The following RUVBL2 variants were observed in gnomAD, a reference collection of about 807,000 sequenced individuals.
The protein encoded by RUVBL2 is ruvB-like 2.
Under a neutral mutation model 57.9 loss-of-function variants are expected in RUVBL2, and 9 were observed. The ratio of observed to expected loss-of-function variants is 0.16; its 90% CI spans 0.09 to 0.27. The LOEUF is 0.27. RUVBL2 is among the 10% of genes least tolerant of loss of function. RUVBL2 has a pLI of 1.00. For synonymous variants in RUVBL2, 278 were observed against 264.6 expected (o/e 1.05, Z -0.49); for missense variants, 456 against 669.6 (o/e 0.68, Z 3.52).
intron 2 of RUVBL2, 28 bp from the exon 3 acceptor site, chr19:49,003,251 T>G: frequency 2.7e-6 from 4 of 1,460,630 alleles, no homozygotes; most frequent in Non-Finnish European, 3.7e-6. Flanking sequence ...GGCTAGTAAC[T>G]GAGTCTTTGT....
intron 2 of RUVBL2, among the ~76,000 whole-genome samples, chr19:49,002,542 C>T (rs1003626096): frequency 3.9e-5 from 6 of 152,146 alleles, no homozygotes; most frequent in Admixed American, 3.9e-4. Flanking sequence ...CATTTTGATA[C>T]TCAGAAGTGC....
intron 2 of RUVBL2, chr19:49,001,520 G>A (rs2039182167): frequency 6.7e-6 from 1 of 150,258 alleles, no homozygotes; most frequent in Admixed American, 6.7e-5. Flanking sequence ...CACCGCTTGT[G>A]AGCTGAGGAC....
chr19:49,012,883 A>ACACACACC (rs1421444990), intron 11 of RUVBL2, among the ~76,000 whole-genome samples: 4 of 147,270 alleles, frequency 2.7e-5, no homozygotes, highest in African/African-American at 5.2e-5. Flanking sequence ...ACACACACAC[A>ACACACACC]CCACCCCTGG....
At position 49,011,458 on chromosome 19, in the gene RUVBL2, G is replaced by A. The variant is rs1342953640; in HGVS notation, c.1001+148G>A. 4.6e-6 allele frequency: 3 copies of A among 649,728 alleles called. No homozygotes were observed. Among genetic ancestry groups the A allele is most frequent in the Non-Finnish European group, 5.4e-6 (2 of 372,142 alleles). The allele number at this position is 649,728 out of a possible 1,614,324, so 40.2% of individuals were successfully genotyped here. On this transcript the variant is annotated intron_variant, in intron 11 of 14. Coordinates refer to ENST00000595090, the MANE Select transcript of RUVBL2 (RefSeq NM_006666.3). This position sits in a 1 kb window ranked among gnomAD's most constrained non-coding sequence, Gnocchi z 4.4. ...CTCTTTGCTTACAAAAGGCGGGTGG[G>A]AGGCAGCTCTGCTTCCCGAGGAAGC...
chr19:49,004,988 G>A (rs2039255686), intron 4 of RUVBL2, among the ~76,000 whole-genome samples: 1 of 151,538 alleles, frequency 6.6e-6, no homozygotes, highest in Admixed American at 6.6e-5. Context: ...AAAAAAAACA[G>A]GAAAGAAAAT....
chr19:49,013,279 T>C (rs915394709), intron 11 of RUVBL2, among the ~76,000 whole-genome samples: 4 of 151,720 alleles, frequency 2.6e-5, no homozygotes, highest in Non-Finnish European at 4.4e-5. Context: ...TTTTTTTTTT[T>C]TGTAGAGATG....
intron 4 of RUVBL2, 136 bp from the exon 5 acceptor site, chr19:49,006,882 C>A: frequency 8.6e-7 from 1 of 1,169,036 alleles, no homozygotes; most frequent in Non-Finnish European, 1.2e-6. Context: ...CTGCTCAGCT[C>A]GGAGCCAAGT....
upstream of RUVBL2, chr19:48,993,453 C>T (rs2038982910): frequency 2.3e-6 from 1 of 429,622 alleles, no homozygotes; most frequent in Non-Finnish European, 4.4e-6. Flanking sequence ...TCGCTGTGTC[C>T]CGGCCCCGCC....
In RUVBL2 at chr19:49,015,103, G is replaced by A. The variant is rs1441086881; in HGVS notation, c.1204G>A (p.Ala402Thr). The change falls in exon 13 of 15, where the codon GCC (alanine) becomes ACC (threonine). Residue 402 changes from alanine to threonine, a missense_variant. Physicochemically the swap from Ala to Thr is moderately conservative, Grantham distance 58. Coordinates refer to ENST00000595090, the MANE Select transcript of RUVBL2 (RefSeq NM_006666.3). ...RIGLETSLRY[A>T]IQLITAASLV... ...CGGGCTGGAGACGTCACTGCGCTAC[G>A]CCATCCAGCTCATCACAGCTGCCAG... 2.5e-6 allele frequency: 4 copies of A among 1,609,666 alleles called. No homozygotes were observed. Among genetic ancestry groups the A allele is most frequent in the South Asian group, 1.1e-5 (1 of 90,404 alleles).
At chr19:49,007,426 G>C in intron 6 of RUVBL2, 58 bp downstream of exon 6, 1 of 1,506,382 alleles carries the variant, frequency 6.6e-7, no homozygotes, top group Non-Finnish European at 9.2e-7. Context: ...GGGTTGGAGA[G>C]AGTAGATATC....
Position 49,014,501 on chromosome 19 carries a change from A to G in RUVBL2, c.1019A>G (p.Tyr340Cys). The stretch of plus-strand genomic sequence containing the variant: ...TTCCTCAGAATCCGGGGCACCAGCT[A>G]CCAGAGCCCTCACGGCATCCCCATA... The part of the protein sequence containing the change: ...RGITRIRGTS[Y>C]QSPHGIPIDL... Residue 340 changes from tyrosine (Y) to cysteine (C), a missense_variant, in exon 12 of 15, where the codon TAC becomes TGC. Tyr to Cys is a radical substitution (Grantham distance 194, BLOSUM62 -2). Transcript: ENST00000595090. The G allele has an allele frequency of 6.2e-7, 1 of 1,613,930 alleles. No individual in the cohort carries two copies. The highest frequency in any genetic ancestry group is 8.5e-7 in the Non-Finnish European group (1 of 1,179,926).
Position 49,012,052 on chromosome 19 carries a change from A to G in RUVBL2, c.1001+742A>G, listed in dbSNP as rs549115434. 8.3e-4 allele frequency among the ~76,000 whole-genome samples: 127 copies of G among 152,202 alleles called. 1 individual carries two copies. The South Asian group carries it at 0.025, about 31-fold the overall frequency. ...GGGATGTGGAGGGCAGGCAGCCCCC[A>G]TAGGCTGTGATCCACAGGCTGCACC... On this transcript the variant is annotated intron_variant, in intron 11 of 14. Transcript: ENST00000595090.
intron 13 of RUVBL2, 26 bp from the exon 14 acceptor site, chr19:49,015,546 A>C (rs2039529855): frequency 6.4e-7 from 1 of 1,557,518 alleles, no homozygotes; most frequent in Non-Finnish European, 8.9e-7. Flanking sequence ...GAGGGGCCCA[A>C]CTGAGGACTC....
At chr19:49,007,437 AG>A in intron 6 of RUVBL2, 69 bp downstream of exon 6, 2 of 1,397,936 alleles carry the variant, frequency 1.4e-6, no homozygotes, top group East Asian at 2.3e-5. Flanking sequence ...AGTAGATATC[AG>A]GTCTGCACTG....
intron 4 of RUVBL2, 120 bp downstream of exon 4, chr19:49,004,538 C>A: frequency 1.0e-6 from 1 of 964,828 alleles, no homozygotes; most frequent in Non-Finnish European, 1.5e-6. Context: ...GGCTTAAACA[C>A]TCAGGATTCA....
At chr19:49,015,462 C>A in intron 13 of RUVBL2, 110 bp from the exon 14 acceptor site, 1 of 911,758 alleles carries the variant, frequency 1.1e-6, no homozygotes, top group Non-Finnish European at 1.8e-6. Context: ...AATGCCCTCC[C>A]CTCACATGCC....
At chr19:48,997,974 G>A (rs527873512) in intron 1 of RUVBL2, among the ~76,000 whole-genome samples, 16 of 152,320 alleles carry the variant, frequency 1.1e-4, no homozygotes, top group African/African-American at 3.8e-4. Flanking sequence ...GTATCACTTA[G>A]CAAACCACAG....
In RUVBL2 at chr19:49,014,532, G is replaced by C. The variant is rs781733924; in HGVS notation, c.1050G>C (p.Leu350=). 2.5e-6 allele frequency: 4 copies of C among 1,614,126 alleles called. No homozygotes were observed. The East Asian group carries it at 8.9e-5, about 36-fold the overall frequency. The change falls in exon 12 of 15, where the codon CTG becomes CTC. Residue 350 remains leucine, a synonymous_variant. Transcript: ENST00000595090. ...YQSPHGIPID[L]LDRLLIVSTT... is the part of the protein sequence containing the mutation. Reference sequence around the variant, plus strand: ...GCCCTCACGGCATCCCCATAGACCTGCTGGACCGGCTGCTTATCGTCTCCA... The same window carrying C: ...GCCCTCACGGCATCCCCATAGACCTCCTGGACCGGCTGCTTATCGTCTCCA...
chr19:49,014,739 C>T lies in RUVBL2; in HGVS notation c.1121+136C>T, dbSNP rs562248432. ...AGAGAGGGCTGAGCGGGCACCCAGA[C>T]GGTGGCCTCCGATCCGGGAGCAGGA... On this transcript the variant is annotated intron_variant, in intron 12 of 14. Transcript: ENST00000595090. 6.3e-5 allele frequency: 78 copies of T among 1,246,664 alleles called. 1 individual carries two copies. In the Admixed American group the frequency reaches 7.9e-4, roughly 13 times the overall value. 77.2% of individuals were successfully genotyped at this position (1,246,664 alleles called of 1,614,324 possible). A position where few individuals can be genotyped will look rare whatever the true frequency, so the allele number is the denominator to read the frequency against.
Sources: gnomAD v4.1 joint callset for allele counts (sites outside exome capture counted in the v4.1 genomes callset) on GRCh38, gnomAD v4.1.1 for gene constraint, Gnocchi (gnomAD v3.1) non-coding constraint, MANE v1.5 for transcripts, NCBI Gene and HGNC (gene_info 2026-07-23, HGNC 2026-07-21) for gene names.